The following ZBTB40 variants were observed in gnomAD, a reference collection of about 807,000 sequenced individuals.
ZBTB40 encodes the protein zinc finger and BTB domain-containing protein 40.
ZBTB40 carries 60 observed loss-of-function variants against 117.5 expected under a neutral mutation model. The ratio of observed to expected loss-of-function variants is 0.51; its 90% confidence interval spans 0.41 to 0.63. ZBTB40 has a LOEUF of 0.63. ZBTB40 is among the 30% of genes least tolerant of loss of function. ZBTB40 has a pLI of 0.00. For synonymous variants in ZBTB40, 525 were observed against 577.1 expected (o/e 0.91, Z 1.29); for missense variants, 1,287 against 1,498.5 (o/e 0.86, Z 2.33).
chr1:22,509,184 A>G lies in ZBTB40; in HGVS notation c.1784A>G (p.Tyr595Cys), dbSNP rs209729. ...GAGGCCATCCAACAGAAGATTGAGT[A>G]CAAGCTCTTTACCTCGGAGGAGGAG... ...ILEAIQQKIE[Y>C]KLFTSEEEHL... Residue 595 changes from tyrosine to cysteine, a missense_variant, in exon 9 of 18, where the codon TAC becomes TGC. Physicochemically the swap from Tyr to Cys is radical, Grantham distance 194. Around this residue, in one of 2 missense-constraint regions of ZBTB40, gnomAD observed 870 missense variants for 934.4 expected, o/e 0.93. Coordinates refer to ENST00000375647, the MANE Select transcript of ZBTB40 (RefSeq NM_014870.4). 1,187,891 of 1,613,834 alleles carry G rather than the reference A, an allele frequency of 0.74. 440,485 individuals are homozygous for G. Among genetic ancestry groups the G allele is most frequent in the East Asian group, 0.92 (41,304 of 44,840 alleles).
At chr1:22,470,221 G>T (rs1000845724) in intron 1 of ZBTB40, among the ~76,000 whole-genome samples, 1 of 152,186 alleles carries the variant, frequency 6.6e-6, no homozygotes, top group Admixed American at 6.5e-5. Context: ...AAATAATAGG[G>T]CTGAATTACA....
In ZBTB40 at chr1:22,509,119, C is replaced by G. The variant is rs749868477; in HGVS notation, c.1719C>G (p.Ala573=). 1 of 1,614,028 alleles carries G rather than the reference C, an allele frequency of 6.2e-7. No individual in the cohort carries two copies. Among genetic ancestry groups the G allele is most frequent in the Non-Finnish European group, 8.5e-7 (1 of 1,180,024 alleles). Residue 573 remains alanine (A), a synonymous_variant, in exon 9 of 18, where the codon GCC becomes GCG. Coordinates refer to ENST00000375647, the MANE Select transcript of ZBTB40 (RefSeq NM_014870.4). ...TTTCAGTGACCACCCCAGAACATGC[C>G]ACTTTAGAAACAATCCTGAGGCATA... is the stretch of plus-strand genomic sequence containing the variant. The part of the protein sequence containing the change: ...FFRAVTTPEH[A]TLETILRHNQ...
intron 1 of ZBTB40, among the ~76,000 whole-genome samples, chr1:22,479,757 T>G (rs997589652): frequency 6.6e-6 from 1 of 152,186 alleles, no homozygotes; most frequent in Non-Finnish European, 1.5e-5. Flanking sequence ...TCTATGTCCC[T>G]TAACCTCTTT....
At chr1:22,476,655 C>T (rs1029720538) in intron 1 of ZBTB40, among the ~76,000 whole-genome samples, 1 of 152,208 alleles carries the variant, frequency 6.6e-6, no homozygotes, top group South Asian at 2.1e-4. Flanking sequence ...GGTCATTATG[C>T]GGCACTTGGT....
At chr1:22,447,062 C>T (rs1557475446), upstream of ZBTB40, among the ~76,000 whole-genome samples, 1 of 149,904 alleles carries the variant, frequency 6.7e-6, no homozygotes. Flanking sequence ...ATGATAGTGT[C>T]ACTGCACTCC....
intron 1 of ZBTB40, among the ~76,000 whole-genome samples, chr1:22,489,638 C>T (rs1638566536): frequency 6.6e-6 from 1 of 152,102 alleles, no homozygotes; most frequent in Admixed American, 6.5e-5. Context: ...TCCACTGAAT[C>T]GTTGTGAGAA....
Position 22,490,186 on chromosome 1 carries a change from A to C in ZBTB40, c.238A>C (p.Thr80Pro). 1 of 1,614,198 alleles carries C rather than the reference A, an allele frequency of 6.2e-7. No homozygotes were observed. Among genetic ancestry groups the C allele is most frequent in the South Asian group, 1.1e-5 (1 of 91,086 alleles). ...EFALLLEMMY[T>P]GKLPVGKHNF... ...TGCGCTCTTGTTGGAAATGATGTAC[A>C]CGGGCAAACTACCTGTGGGCAAGCA... Residue 80 changes from threonine to proline, a missense_variant, in exon 2 of 18, where the codon ACG becomes CCG. Coordinates refer to ENST00000375647, the MANE Select transcript of ZBTB40 (RefSeq NM_014870.4).
chr1:22,529,556 G>A lies in ZBTB40; in HGVS notation c.*3160G>A, dbSNP rs1425406587. The stretch of plus-strand genomic sequence containing the variant: ...AGAGCAAGGATTACTGCGGGAAGGT[G>A]AGACTCCTACTGTCCACGCGCATGA... On this transcript the variant is annotated 3_prime_UTR_variant, in exon 18 of 18. Coordinates refer to ENST00000375647, the MANE Select transcript of ZBTB40 (RefSeq NM_014870.4). The A allele has an allele frequency of 1.3e-5, 2 of 152,416 alleles. No individual in the cohort carries two copies. The highest frequency in any genetic ancestry group is 4.8e-5 in the African/African-American group (2 of 41,462). 9.4% of individuals were successfully genotyped at this position (152,416 alleles called of 1,614,324 possible). A position where few individuals can be genotyped will look rare whatever the true frequency, so the allele number is the denominator to read the frequency against.
intron 3 of ZBTB40, among the ~76,000 whole-genome samples, chr1:22,498,223 C>A (rs1048604133): frequency 4.6e-5 from 7 of 152,170 alleles, no homozygotes; most frequent in African/African-American, 1.7e-4. Context: ...AGAGTTAGTT[C>A]CAAATGTATG....
intron 1 of ZBTB40, among the ~76,000 whole-genome samples, chr1:22,446,764 C>G (rs1036863228): frequency 3.3e-5 from 5 of 150,958 alleles, no homozygotes; most frequent in Non-Finnish European, 5.9e-5. Flanking sequence ...GGAGACCTAA[C>G]TTGCAAGAAA....
Position 22,527,949 on chromosome 1 carries a change from CA to C in ZBTB40, c.*1554del, listed in dbSNP as rs1346218714. The C allele has an allele frequency of 6.6e-6, 1 of 152,562 alleles. No individual in the cohort carries two copies. The highest frequency in any genetic ancestry group is 1.5e-5 in the Non-Finnish European group (1 of 68,060). The allele number at this position is 152,562 out of a possible 1,614,324, so 9.5% of individuals were successfully genotyped here. On this transcript the variant is annotated 3_prime_UTR_variant, in exon 18 of 18. Transcript: ENST00000375647. ...TGGGACAGCTCATCCCAGCCGACTA[CA>C]CCTGCTTCTGGTCCTGTCCACATTT...
intron 13 of ZBTB40, among the ~76,000 whole-genome samples, chr1:22,519,264 C>T (rs1165421041): frequency 6.6e-6 from 1 of 152,222 alleles, no homozygotes; most frequent in African/African-American, 2.4e-5. Flanking sequence ...AGTTTCCTGC[C>T]ATAGGATGGC....
At chr1:22,519,941 C>A in intron 13 of ZBTB40, 120 bp from the exon 14 acceptor site, 1 of 915,438 alleles carries the variant, frequency 1.1e-6, no homozygotes, top group Non-Finnish European at 1.8e-6. Context: ...CTGCCTGTTA[C>A]GTAAAGCAGA....
chr1:22,521,753 T>C (rs1639534206), intron 15 of ZBTB40, 95 bp downstream of exon 15: 15 of 1,547,540 alleles, frequency 9.7e-6, no homozygotes, highest in Non-Finnish European at 1.2e-5. Context: ...TAGTCTAGTG[T>C]GATGTGCAGT....
At chr1:22,439,605 G>A (rs1222179366) in intron 1 of ZBTB40, among the ~76,000 whole-genome samples, 1 of 152,098 alleles carries the variant, frequency 6.6e-6, no homozygotes, top group African/African-American at 2.4e-5. Flanking sequence ...TTTCCTCATT[G>A]AATGGCCTTG....
intron 1 of ZBTB40, among the ~76,000 whole-genome samples, chr1:22,486,672 C>T (rs1638477591): frequency 1.3e-5 from 2 of 152,140 alleles, no homozygotes; most frequent in Admixed American, 1.3e-4. Flanking sequence ...TTCAGGTTTT[C>T]TTAACCTGGC....
At chr1:22,444,632 C>T (rs1640768728) in intron 1 of ZBTB40, among the ~76,000 whole-genome samples, 1 of 152,164 alleles carries the variant, frequency 6.6e-6, no homozygotes, top group Non-Finnish European at 1.5e-5. Flanking sequence ...GGAAGAATGC[C>T]TCAAGTGAGC....
At chr1:22,487,204 C>T (rs1334570874) in intron 1 of ZBTB40, among the ~76,000 whole-genome samples, 3 of 152,070 alleles carry the variant, frequency 2.0e-5, no homozygotes, top group African/African-American at 7.2e-5. Flanking sequence ...CTTCTAAGCT[C>T]CTGACATACC....
intron 14 of ZBTB40, 85 bp downstream of exon 14, chr1:22,520,360 T>A: frequency 9.4e-7 from 1 of 1,068,848 alleles, no homozygotes; most frequent in Non-Finnish European, 1.4e-6. Context: ...GGTTGGTGGC[T>A]TGCAGATCAT....
Sources: allele counts gnomAD v4.1 joint callset (sites outside exome capture counted in the v4.1 genomes callset), GRCh38; gene constraint gnomAD v4.1.1; regional missense constraint gnomAD v4.1.1; transcripts MANE v1.5; gene names NCBI Gene and HGNC (gene_info 2026-07-23, HGNC 2026-07-21).